MMS22L: variants seen among roughly 807,000 people sequenced by gnomAD.
MMS22L encodes the protein MMS22 like, DNA repair protein.
MMS22L carries 74 observed loss-of-function variants against 159.1 expected under a neutral mutation model. The observed-to-expected ratio is 0.47, with a 90% CI of 0.39 to 0.56. MMS22L has a LOEUF of 0.56. Among genes scored for constraint, MMS22L ranks in the 20% least tolerant of loss-of-function variants. The pLI is 0.00. For synonymous variants in MMS22L, 517 were observed against 506.9 expected (o/e 1.02, Z -0.27); for missense variants, 1,351 against 1,422.1 (o/e 0.95, Z 0.80).
chr6:97,159,533 A>T (rs1802206056), intron 22 of MMS22L, among the ~76,000 whole-genome samples: 1 of 151,982 alleles, frequency 6.6e-6, no homozygotes, highest in Non-Finnish European at 1.5e-5. Context: ...TACTTTATAT[A>T]AATTTATGTC....
intron 18 of MMS22L, among the ~76,000 whole-genome samples, chr6:97,174,638 G>A (rs1455942801): frequency 1.3e-5 from 2 of 152,174 alleles, no homozygotes; most frequent in Non-Finnish European, 2.9e-5. Context: ...GGTCACTCAT[G>A]AGCTGGAAGG....
rs947737670 is a variant in MMS22L, at chr6:97,144,355, A to C, written c.*2451T>G. On this transcript the variant is annotated 3_prime_UTR_variant, in exon 25 of 25. Coordinates refer to ENST00000683635, the MANE Select transcript of MMS22L (RefSeq NM_001350599.2). ...ACCCTGAGGAACCTGCCTCTACAAA[A>C]AGTTGGTCCTCCATATACTCAGATT... 2 of 152,114 alleles carry C rather than the reference A, an allele frequency of 1.3e-5. No homozygotes were observed. The highest frequency in any genetic ancestry group is 2.9e-5 in the Non-Finnish European group (2 of 68,024). 9.4% of individuals were successfully genotyped at this position (152,114 alleles called of 1,614,324 possible).
intron 21 of MMS22L, among the ~76,000 whole-genome samples, chr6:97,163,868 A>G (rs1562404712): frequency 6.6e-6 from 1 of 152,006 alleles, no homozygotes; most frequent in Non-Finnish European, 1.5e-5. Flanking sequence ...GGCATTTTGG[A>G]GGGGCAATAT....
intron 14 of MMS22L, among the ~76,000 whole-genome samples, chr6:97,198,188 G>A (rs558098008): frequency 4.6e-5 from 7 of 152,132 alleles, no homozygotes; most frequent in African/African-American, 7.2e-5. Context: ...TACCCTGTTC[G>A]AGAGGCCACA....
intron 7 of MMS22L, 75 bp downstream of exon 7, chr6:97,269,827 T>C: frequency 9.4e-7 from 1 of 1,067,448 alleles, no homozygotes. Flanking sequence ...AGAAAGCACT[T>C]ATTACTTATG....
chr6:97,176,852 C>G (rs553979732), intron 18 of MMS22L, among the ~76,000 whole-genome samples: 1 of 152,176 alleles, frequency 6.6e-6, no homozygotes, highest in African/African-American at 2.4e-5. Flanking sequence ...GCTTCGTATC[C>G]CTCTGTTAAT....
Position 97,238,713 on chromosome 6 carries a change from A to C in MMS22L, c.1183-4733T>G, listed in dbSNP as rs536599198. On this transcript the variant is annotated intron_variant, in intron 11 of 24. Coordinates refer to ENST00000683635, the MANE Select transcript of MMS22L (RefSeq NM_001350599.2). Reference sequence around the variant, plus strand: ...TCTCTGCTTTAGTCCTTTTCTAAAGAATGTCTTATCTTTATTTTGAACAAT... The same window carrying C: ...TCTCTGCTTTAGTCCTTTTCTAAAGCATGTCTTATCTTTATTTTGAACAAT... Among the ~76,000 whole-genome samples the C allele has an allele frequency of 6.7e-5, 10 of 148,664 alleles. No homozygotes were observed. In the South Asian group the frequency reaches 2.2e-3, roughly 33 times the overall value.
Position 97,145,859 on chromosome 6 carries a change from G to C in MMS22L, c.*947C>G, listed in dbSNP as rs1190255379. 6.6e-6 allele frequency: 1 copy of C among 152,118 alleles called. No individual in the cohort carries two copies. The highest frequency in any genetic ancestry group is 1.5e-5 in the Non-Finnish European group (1 of 67,988). The allele number at this position is 152,118 out of a possible 1,614,324, so 9.4% of individuals were successfully genotyped here. ...ATGCTCAATAGGAAAAGGAGTCAAGGACAAGCTCCAACTGGTAAAACAATC... is the reference window on the plus strand; with the variant it reads ...ATGCTCAATAGGAAAAGGAGTCAAGCACAAGCTCCAACTGGTAAAACAATC... On this transcript the variant is annotated 3_prime_UTR_variant, in exon 25 of 25. Transcript: ENST00000683635.
At chr6:97,176,846 C>T (rs113288477) in intron 18 of MMS22L, among the ~76,000 whole-genome samples, 75 of 152,130 alleles carry the variant, frequency 4.9e-4, no homozygotes, top group African/African-American at 1.7e-3. Flanking sequence ...GATTATGCTT[C>T]GTATCCCTCT....
chr6:97,205,222 C>T (rs1447426445), intron 14 of MMS22L, among the ~76,000 whole-genome samples: 1 of 151,794 alleles, frequency 6.6e-6, no homozygotes, highest in African/African-American at 2.4e-5. Flanking sequence ...GGATTACAGG[C>T]ATGAGCCACC....
intron 14 of MMS22L, among the ~76,000 whole-genome samples, chr6:97,208,574 T>C (rs1273065763): frequency 2.0e-5 from 3 of 152,018 alleles, no homozygotes; most frequent in African/African-American, 4.8e-5. Context: ...GGAAACTGTA[T>C]ATTTCACTTA....
At chr6:97,238,327 TGCAACA>T (rs1328716804) in intron 11 of MMS22L, among the ~76,000 whole-genome samples, 8 of 152,222 alleles carry the variant, frequency 5.3e-5, no homozygotes, top group African/African-American at 9.6e-5. Context: ...AAATAATAAA[TGCAACA>T]GGGTCATAGT....
intron 14 of MMS22L, among the ~76,000 whole-genome samples, chr6:97,221,858 T>C (rs1180552457): frequency 4.6e-5 from 7 of 152,034 alleles, no homozygotes; most frequent in Non-Finnish European, 1.0e-4. Flanking sequence ...TTGAGCAAAC[T>C]ACAGAAATAA....
chr6:97,212,402 TA>T (rs1808481663), intron 14 of MMS22L, among the ~76,000 whole-genome samples: 1 of 152,198 alleles, frequency 6.6e-6, no homozygotes, highest in Admixed American at 6.5e-5. Flanking sequence ...TTTCATGGAA[TA>T]CCTATCATTG....
At position 97,246,649 on chromosome 6, in the gene MMS22L, C is replaced by T. The variant is rs756463642; in HGVS notation, c.1161G>A (p.Leu387=). The change falls in exon 11 of 25, where the codon CTG becomes CTA. Residue 387 remains leucine (L), a synonymous_variant. Transcript: ENST00000683635. ...ESNWNFVEEL[L]KKSISVQGVI... is the part of the protein sequence containing the mutation. ...ATACCTGAACACTGATGGACTTTTTCAGCAGTTCTTCTACAAAGTTCCAAT... is the reference window on the plus strand; with the variant it reads ...ATACCTGAACACTGATGGACTTTTTTAGCAGTTCTTCTACAAAGTTCCAAT... 3.7e-6 allele frequency: 6 copies of T among 1,611,404 alleles called. No homozygotes were observed. In the Admixed American group the frequency reaches 5.0e-5, roughly 14 times the overall value.
At chr6:97,271,378 T>A (rs1446796949) in intron 6 of MMS22L, 1 of 152,174 alleles carries the variant, frequency 6.6e-6, no homozygotes, top group Non-Finnish European at 1.5e-5. Context: ...TTTTTATTTC[T>A]GCTGCTATAT....
intron 6 of MMS22L, chr6:97,272,064 G>A (rs1815799771): frequency 6.6e-6 from 1 of 152,156 alleles, no homozygotes; most frequent in Admixed American, 6.5e-5. Context: ...AGACTTCAGG[G>A]AATCTCACTG....
chr6:97,215,091 A>AATATATATATAT (rs1167446221), intron 14 of MMS22L, among the ~76,000 whole-genome samples: 9 of 141,294 alleles, frequency 6.4e-5, no homozygotes, highest in African/African-American at 2.4e-4. Context: ...TCATGTTTTA[A>AATATATATATAT]ATATATATAT....
chr6:97,268,794 TAC>T (rs773870044), intron 7 of MMS22L, among the ~76,000 whole-genome samples: 5 of 152,082 alleles, frequency 3.3e-5, no homozygotes, highest in Admixed American at 6.5e-5. Flanking sequence ...TAATGTGAAA[TAC>T]AGAGTCCACA....
Sources: gnomAD v4.1 joint callset for allele counts (sites outside exome capture counted in the v4.1 genomes callset) on GRCh38, gnomAD v4.1.1 for gene constraint, MANE v1.5 for transcripts, NCBI Gene and HGNC (gene_info 2026-07-23, HGNC 2026-07-21) for gene names.